The following CLDN14 variants were observed in gnomAD, a reference collection of about 807,000 sequenced individuals.
CLDN14 encodes the protein claudin-14.
Under a neutral mutation model 2.1 loss-of-function variants are expected in CLDN14, and 2 were observed. That is an observed-to-expected ratio of 0.96 (90% CI 0.39 to 3.01). The LOEUF (loss-of-function observed/expected upper bound fraction) is 3.01, where lower values mean the gene tolerates loss of function less well. CLDN14 is among the 30% of genes most tolerant of loss of function. The pLI, the probability that CLDN14 is intolerant of heterozygous loss-of-function variation, is 0.09. For synonymous variants in CLDN14, 136 were observed against 154.4 expected (o/e 0.88, Z 0.88); for missense variants, 298 against 328.0 (o/e 0.91, Z 0.71).
At chr21:36,571,483 A>G (rs2087710011) in intron 1 of CLDN14, among the ~76,000 whole-genome samples, 1 of 152,178 alleles carries the variant, frequency 6.6e-6, no homozygotes, top group Non-Finnish European at 1.5e-5. Context: ...TGGTGTTCAG[A>G]GTGACTTACG....
chr21:36,525,700 C>G (rs1282149611), intron 1 of CLDN14, among the ~76,000 whole-genome samples: 1 of 152,150 alleles, frequency 6.6e-6, no homozygotes, highest in Non-Finnish European at 1.5e-5. Flanking sequence ...TGGGCAGATG[C>G]CCTCATGGTG....
chr21:36,485,648 G>A (rs937696761), intron 2 of CLDN14, among the ~76,000 whole-genome samples: 1 of 152,158 alleles, frequency 6.6e-6, no homozygotes, highest in African/African-American at 2.4e-5. Context: ...CGAAAGCAAG[G>A]TGCCTTCCCA....
rs182782846 is a variant in CLDN14, at chr21:36,541,952, G to A, written c.-219-31452C>T. Among the ~76,000 whole-genome samples the A allele has an allele frequency of 2.0e-5, 3 of 152,194 alleles. No individual in the cohort carries two copies. In the East Asian group the frequency reaches 5.8e-4, roughly 29 times the overall value. On this transcript the variant is annotated intron_variant, in intron 1 of 2. Transcript: ENST00000342108. ...GGGTGTGTGTGAACCACTGGAGTTG[G>A]CTGTAGACTTTCTTTTACTTTTGCA...
intron 1 of CLDN14, among the ~76,000 whole-genome samples, chr21:36,527,539 C>T (rs754834849): frequency 3.3e-5 from 5 of 152,170 alleles, no homozygotes; most frequent in South Asian, 2.1e-4. Flanking sequence ...ATGGCCAGCC[C>T]GCCTTGAAGT....
intron 1 of CLDN14, among the ~76,000 whole-genome samples, chr21:36,512,373 A>C (rs1451807850): frequency 6.6e-6 from 1 of 152,206 alleles, no homozygotes; most frequent in Non-Finnish European, 1.5e-5. Flanking sequence ...GGGAGAGGGA[A>C]TCTTTCCAAC....
At chr21:36,573,571 C>A (rs73206282) in intron 1 of CLDN14, among the ~76,000 whole-genome samples, 15,053 of 152,148 alleles carry the variant, frequency 0.099, 991 homozygotes, top group Non-Finnish European at 0.15. Flanking sequence ...CTTTTAGAAG[C>A]AAAGACCTAT....
rs528758422 is a variant in CLDN14 at position 36,525,548 on chromosome 21, A to T, written c.-219-15048T>A. 1.3e-4 allele frequency among the ~76,000 whole-genome samples: 20 copies of T among 152,302 alleles called. 1 individual carries two copies. In the South Asian group the frequency reaches 3.9e-3, roughly 30 times the overall value. ...CAACAGGGGACACCAAAGATGACAG[A>T]AGAGCCGGCATGAGGTCAAAGGGAG... On this transcript the variant is annotated intron_variant, in intron 1 of 2. Transcript: ENST00000342108.
intron 1 of CLDN14, among the ~76,000 whole-genome samples, chr21:36,559,240 C>T (rs1013169698): frequency 6.6e-6 from 1 of 151,830 alleles, no homozygotes; most frequent in African/African-American, 2.4e-5. Flanking sequence ...TCGCTCTTGT[C>T]GCCCAGGCTG....
intron 1 of CLDN14, among the ~76,000 whole-genome samples, chr21:36,539,585 A>G (rs540652596): frequency 1.1e-4 from 13 of 118,726 alleles, no homozygotes; most frequent in African/African-American, 4.0e-4. Context: ...GTTTGTGTGG[A>G]GTGAGTGTGT....
intron 1 of CLDN14, among the ~76,000 whole-genome samples, chr21:36,464,293 GA>G (rs1332907986): frequency 6.6e-6 from 1 of 152,156 alleles, no homozygotes; most frequent in Non-Finnish European, 1.5e-5. Context: ...GAGAGCCAAT[GA>G]AACCTCTTTT....
intron 1 of CLDN14, among the ~76,000 whole-genome samples, chr21:36,523,797 A>G (rs150313090): frequency 0.73 from 57,822 of 79,106 alleles, 23,155 homozygotes; most frequent in Non-Finnish European, 0.87. Flanking sequence ...GAAAGAAAGA[A>G]AGAAAGAAAG....
At chr21:36,573,064 G>T (rs1454097388) in intron 1 of CLDN14, among the ~76,000 whole-genome samples, 1 of 152,232 alleles carries the variant, frequency 6.6e-6, no homozygotes, top group Non-Finnish European at 1.5e-5. Context: ...CACTTTGGAA[G>T]GCCGAGGCAG....
chr21:36,492,462 A>AAAAAT (rs2086977733), intron 2 of CLDN14, among the ~76,000 whole-genome samples: 1 of 146,380 alleles, frequency 6.8e-6, no homozygotes, highest in Non-Finnish European at 1.5e-5. Flanking sequence ...AAAAAAAAAA[A>AAAAAT]AAAAAATGCA....
intron 1 of CLDN14, among the ~76,000 whole-genome samples, chr21:36,566,348 T>C (rs910163509): frequency 1.6e-4 from 24 of 152,214 alleles, no homozygotes; most frequent in Non-Finnish European, 3.5e-4. Context: ...AACCAGTAAA[T>C]ATGACTTCTT....
At chr21:36,564,656 C>G in intron 1 of CLDN14, among the ~76,000 whole-genome samples, 1 of 152,184 alleles carries the variant, frequency 6.6e-6, no homozygotes, top group East Asian at 1.9e-4. Flanking sequence ...GACGCCCATG[C>G]CCTCATCTCC....
At chr21:36,571,574 G>A (rs907767100) in intron 1 of CLDN14, among the ~76,000 whole-genome samples, 2 of 152,168 alleles carry the variant, frequency 1.3e-5, no homozygotes, top group African/African-American at 4.8e-5. Flanking sequence ...AGGTTTCAGA[G>A]CAGTTCTTAG....
intron 1 of CLDN14, among the ~76,000 whole-genome samples, chr21:36,546,496 C>T (rs1344305265): frequency 6.6e-6 from 1 of 152,072 alleles, no homozygotes; most frequent in Non-Finnish European, 1.5e-5. Flanking sequence ...CAAATCCACC[C>T]CTAGCAAAAA....
At chr21:36,475,636 G>A (rs1024609038) in intron 1 of CLDN14, among the ~76,000 whole-genome samples, 4 of 152,138 alleles carry the variant, frequency 2.6e-5, no homozygotes, top group Non-Finnish European at 4.4e-5. Context: ...CTGCGGCCTT[G>A]ACCTCCTGAG....
chr21:36,468,203 G>T (rs1322404396), intron 1 of CLDN14, among the ~76,000 whole-genome samples: 1 of 152,198 alleles, frequency 6.6e-6, no homozygotes, highest in Non-Finnish European at 1.5e-5. Context: ...AGCCACTTCA[G>T]AAAATGTCTG....
Sources: gnomAD v4.1 joint callset for allele counts (sites outside exome capture counted in the v4.1 genomes callset) on GRCh38, gnomAD v4.1.1 for gene constraint, MANE v1.5 for transcripts, NCBI Gene and HGNC (gene_info 2026-07-23, HGNC 2026-07-21) for gene names.